Variants in COL24A1 observed in about 807,000 individuals in gnomAD.
COL24A1 encodes the protein collagen alpha-1(XXIV) chain.
COL24A1 carries 224 observed loss-of-function variants against 253.9 expected under a neutral mutation model. The ratio of observed to expected loss-of-function variants is 0.88; its 90% CI spans 0.79 to 0.99. The LOEUF (loss-of-function observed/expected upper bound fraction) is 0.99. Among genes scored for constraint, COL24A1 ranks in the 50% least tolerant of loss-of-function variants. The pLI, the probability that COL24A1 is intolerant of heterozygous loss-of-function variation, is 0.00. For synonymous variants in COL24A1, 685 were observed against 673.7 expected (o/e 1.02, Z -0.26); for missense variants, 2,131 against 2,068.5 (o/e 1.03, Z -0.59).
chr1:85,775,837 T>C (rs1338231658), intron 52 of COL24A1, 128 bp from the exon 53 acceptor site: 1 of 680,048 alleles, frequency 1.5e-6, no homozygotes, highest in Non-Finnish European at 2.5e-6. Context: ...AGACCTGTTT[T>C]GTTAAATTGT....
chr1:86,117,869 C>T (rs922900002), intron 3 of COL24A1, among the ~76,000 whole-genome samples: 9 of 152,148 alleles, frequency 5.9e-5, no homozygotes, highest in Admixed American at 5.2e-4. Flanking sequence ...TCAAATCATG[C>T]CTCAATCATT....
chr1:86,121,381 A>C (rs191536132), intron 3 of COL24A1, among the ~76,000 whole-genome samples: 117 of 152,286 alleles, frequency 7.7e-4, no homozygotes, highest in African/African-American at 2.5e-3. Flanking sequence ...GCACATAATA[A>C]AGAGAATAAT....
chr1:85,887,728 G>A (rs1458687906), intron 32 of COL24A1, among the ~76,000 whole-genome samples: 1 of 151,898 alleles, frequency 6.6e-6, no homozygotes, highest in Non-Finnish European at 1.5e-5. Flanking sequence ...TTTTAAGATG[G>A]GTTATGTTTA....
intron 4 of COL24A1, among the ~76,000 whole-genome samples, chr1:86,114,536 G>A (rs1705936667): frequency 6.6e-6 from 1 of 152,102 alleles, no homozygotes; most frequent in South Asian, 2.1e-4. Flanking sequence ...AAATGTGATA[G>A]GTCATCAACT....
chr1:85,731,948 T>A (rs113203695), intron 59 of COL24A1, among the ~76,000 whole-genome samples: 4,201 of 152,042 alleles, frequency 0.028, 63 homozygotes, highest in Middle Eastern at 0.041. Flanking sequence ...CCCATACATA[T>A]ACACACACAC....
At chr1:86,029,159 A>G (rs891202623) in intron 14 of COL24A1, among the ~76,000 whole-genome samples, 45 of 151,866 alleles carry the variant, frequency 3.0e-4, no homozygotes, top group Non-Finnish European at 4.7e-4. Flanking sequence ...GGAAAAAAAA[A>G]AACATCACAC....
chr1:86,059,780 ACAG>A (rs1304834716), intron 8 of COL24A1, among the ~76,000 whole-genome samples: 6 of 152,152 alleles, frequency 3.9e-5, no homozygotes, highest in African/African-American at 1.2e-4. Context: ...ATAATGCCTA[ACAG>A]CATTAGGAGG....
At chr1:86,024,331 A>AT (rs1403504533) in intron 14 of COL24A1, among the ~76,000 whole-genome samples, 10 of 151,662 alleles carry the variant, frequency 6.6e-5, no homozygotes, top group Non-Finnish European at 1.2e-4. Flanking sequence ...CGTTTCATTC[A>AT]TTTTTTTTAT....
intron 10 of COL24A1, among the ~76,000 whole-genome samples, 160 bp downstream of exon 10, chr1:86,057,771 A>G (rs1417963493): frequency 6.6e-6 from 1 of 152,252 alleles, no homozygotes; most frequent in African/African-American, 2.4e-5. Context: ...GTTTTCTGTC[A>G]TCATAGAAGT....
chr1:85,842,323 C>G lies in COL24A1; in HGVS notation c.3516+17G>C. 1 of 1,545,216 alleles carries G rather than the reference C, an allele frequency of 6.5e-7. No individual in the cohort carries two copies. The highest frequency in any genetic ancestry group is 1.2e-5 in the South Asian group (1 of 84,630). Reference sequence around the variant, plus strand: ...ATGTTTTCATGTGAATATATTTTTTCAATTATAAATACTTACCCTGTACCC... The same window carrying G: ...ATGTTTTCATGTGAATATATTTTTTGAATTATAAATACTTACCCTGTACCC... On this transcript the variant is annotated intron_variant, in intron 40 of 59. Transcript: ENST00000370571.
intron 8 of COL24A1, among the ~76,000 whole-genome samples, chr1:86,061,034 G>A (rs1488844519): frequency 6.6e-6 from 1 of 151,820 alleles, no homozygotes; most frequent in Non-Finnish European, 1.5e-5. Flanking sequence ...TCCCATATGA[G>A]AGATGAGAAA....
At chr1:86,049,481 T>C (rs748348642) in intron 11 of COL24A1, among the ~76,000 whole-genome samples, 1 of 152,138 alleles carries the variant, frequency 6.6e-6, no homozygotes, top group African/African-American at 2.4e-5. Context: ...TCTATGACAA[T>C]CTACTAATAT....
chr1:85,737,155 A>C (rs766412265), intron 58 of COL24A1, among the ~76,000 whole-genome samples: 27 of 152,340 alleles, frequency 1.8e-4, no homozygotes, highest in Non-Finnish European at 3.7e-4. Flanking sequence ...AATTTAAAAA[A>C]CATGATCAGT....
chr1:86,134,227 G>T (rs1472556563), intron 2 of COL24A1, among the ~76,000 whole-genome samples: 1 of 148,828 alleles, frequency 6.7e-6, no homozygotes, highest in African/African-American at 2.4e-5. Context: ...GCGTCTATTT[G>T]ATTCTTCTCT....
intron 12 of COL24A1, among the ~76,000 whole-genome samples, chr1:86,044,032 T>C (rs1699713428): frequency 6.6e-6 from 1 of 152,216 alleles, no homozygotes; most frequent in Admixed American, 6.5e-5. Flanking sequence ...ATAGTACACA[T>C]AATTTAATAA....
At chr1:85,740,362 T>A (rs1026687304) in intron 57 of COL24A1, among the ~76,000 whole-genome samples, 5 of 152,212 alleles carry the variant, frequency 3.3e-5, no homozygotes, top group African/African-American at 1.2e-4. Flanking sequence ...ATGAGACAAC[T>A]GAAGGAATCT....
intron 52 of COL24A1, among the ~76,000 whole-genome samples, chr1:85,777,194 C>T (rs112807109): frequency 0.02 from 3,074 of 151,998 alleles, 97 homozygotes; most frequent in African/African-American, 0.07. Context: ...GTGATCCGCC[C>T]GCCTCAGCCT....
intron 47 of COL24A1, among the ~76,000 whole-genome samples, chr1:85,805,259 A>C (rs1034162397): frequency 6.6e-6 from 1 of 152,206 alleles, no homozygotes; most frequent in Non-Finnish European, 1.5e-5. Flanking sequence ...CTTGCATGGA[A>C]AGTGAAATGG....
At chr1:85,748,593 G>A (rs911067481) in intron 55 of COL24A1, among the ~76,000 whole-genome samples, 12 of 150,742 alleles carry the variant, frequency 8.0e-5, no homozygotes, top group Non-Finnish European at 1.8e-4. Context: ...GCAGAAGACG[G>A]GTGATTTCTG....
Sources: allele counts gnomAD v4.1 joint callset (sites outside exome capture counted in the v4.1 genomes callset), GRCh38; gene constraint gnomAD v4.1.1; transcripts MANE v1.5; gene names NCBI Gene and HGNC (gene_info 2026-07-23, HGNC 2026-07-21).